USP54: variants seen among roughly 807,000 people sequenced by gnomAD.
USP54 encodes the protein ubiquitin specific peptidase 54, also known as ubiquitin carboxyl-terminal hydrolase 54.
USP54 carries 87 observed loss-of-function variants against 170.5 expected under a neutral mutation model. That is an observed-to-expected ratio of 0.51 (90% confidence interval 0.43 to 0.61). The LOEUF is 0.61. Ranked by LOEUF, USP54 falls within the 20% of genes least tolerant of loss-of-function variation. The probability of loss-of-function intolerance (pLI) is 0.00; values close to 1 mark genes in which losing one functional copy is unlikely to be tolerated. For missense variants in USP54, 1,786 were observed against 2,047.8 expected (o/e 0.87, Z 2.47); for synonymous variants, 655 against 742.8 (o/e 0.88, Z 1.92).
chr10:73,526,813 A>T (rs1399774729), intron 15 of USP54, 33 bp from the exon 16 acceptor site: 1 of 1,610,542 alleles, frequency 6.2e-7, no homozygotes, highest in East Asian at 2.2e-5. Context: ...TAGTGAAAGC[A>T]TGAAAGCAGG....
At chr10:73,567,421 A>G (rs912836250) in intron 4 of USP54, among the ~76,000 whole-genome samples, 2 of 152,136 alleles carry the variant, frequency 1.3e-5, no homozygotes, top group Non-Finnish European at 2.9e-5. Flanking sequence ...CTGTAATCCC[A>G]GCACTTTGGG....
chr10:73,532,570 C>CT (rs999055566), intron 12 of USP54, among the ~76,000 whole-genome samples: 51 of 152,314 alleles, frequency 3.3e-4, no homozygotes, highest in African/African-American at 1.2e-3. Context: ...TATCCTGTGG[C>CT]TTGGCTTCTC....
At chr10:73,596,490 C>T (rs534999645) in intron 1 of USP54, among the ~76,000 whole-genome samples, 2 of 151,270 alleles carry the variant, frequency 1.3e-5, no homozygotes, top group African/African-American at 4.8e-5. Context: ...ACCCGAGAGG[C>T]GGAGCTTGCA....
intron 5 of USP54, among the ~76,000 whole-genome samples, chr10:73,543,968 A>C (rs2067191958): frequency 1.3e-5 from 2 of 148,338 alleles, no homozygotes; most frequent in South Asian, 2.1e-4. Context: ...TTTGAGACAC[A>C]CTCTGTCTCT....
In USP54 at chr10:73,616,246, GAGA is replaced by G. The variant is rs1376342773; in HGVS notation, c.-18+9318_-18+9320del. On this transcript the variant is annotated intron_variant, in intron 1 of 22. Transcript: ENST00000339859. ...CTAGCTACTTGGGAGGCTGAGGCAG[GAGA>G]ACTGCTTGAGCCCAGGAGGCAGAGG... Among the ~76,000 whole-genome samples the G allele has an allele frequency of 2.8e-5, 4 of 143,678 alleles. No homozygotes were observed. In the East Asian group the frequency reaches 8.1e-4, roughly 29 times the overall value. 94.3% of individuals were successfully genotyped at this position (143,678 alleles called of 152,430 possible).
At chr10:73,502,307 CCTTT>C (rs1204069177) in intron 22 of USP54, among the ~76,000 whole-genome samples, 2 of 152,014 alleles carry the variant, frequency 1.3e-5, no homozygotes, top group Non-Finnish European at 2.9e-5. Flanking sequence ...GCTAATTATT[CCTTT>C]CTTCTTTTTT....
rs766804729 is a variant in USP54 at position 73,526,721 on chromosome 10, G to A, written c.2120C>T (p.Ser707Leu). Reference protein sequence around the residue: ...LVPSWRHIPKSHSSSILEVDS... With the variant: ...LVPSWRHIPKLHSSSILEVDS... ...TACCTCCAGGATGCTACTGCTGTGCGACTTTGGGATATGACGCCAGGAAGG... is the reference window on the plus strand; with the variant it reads ...TACCTCCAGGATGCTACTGCTGTGCAACTTTGGGATATGACGCCAGGAAGG... The change falls in exon 16 of 24, where the codon TCG becomes TTG. Residue 707 changes from serine (S) to leucine (L), a missense_variant. Around this residue, in one of 3 missense-constraint regions of USP54, gnomAD observed 1,418 missense variants for 1,569.0 expected, o/e 0.90. Coordinates refer to ENST00000687698, the MANE Select transcript of USP54 (RefSeq NM_001391956.1). 1.9e-6 allele frequency: 3 copies of A among 1,614,084 alleles called. No homozygotes were observed. The highest frequency in any genetic ancestry group is 2.2e-5 in the South Asian group (2 of 91,070).
At chr10:73,546,021 G>A (rs528559174) in intron 4 of USP54, among the ~76,000 whole-genome samples, 3 of 152,126 alleles carry the variant, frequency 2.0e-5, no homozygotes, top group South Asian at 2.1e-4. Flanking sequence ...ACACGTAAAC[G>A]TTATCAACAA....
chr10:73,608,327 CCT>C (rs569278506), intron 1 of USP54, among the ~76,000 whole-genome samples: 123 of 152,138 alleles, frequency 8.1e-4, no homozygotes, highest in African/African-American at 2.9e-3. Context: ...CCTACGTTTC[CCT>C]CTTATACCAA....
At chr10:73,500,506 T>C in intron 23 of USP54, 149 bp downstream of exon 23, 1 of 720,752 alleles carries the variant, frequency 1.4e-6, no homozygotes, top group Non-Finnish European at 2.2e-6. Flanking sequence ...TTTATCTAGA[T>C]AAATGCACGA....
At chr10:73,535,688 G>A (rs1213728297) in intron 11 of USP54, among the ~76,000 whole-genome samples, 2 of 152,118 alleles carry the variant, frequency 1.3e-5, no homozygotes, top group South Asian at 2.1e-4. Context: ...TTCATAAGCA[G>A]AGGAATATTA....
At chr10:73,622,339 T>C (rs756579082) in intron 1 of USP54, among the ~76,000 whole-genome samples, 2 of 148,438 alleles carry the variant, frequency 1.3e-5, no homozygotes, top group Non-Finnish European at 3.0e-5. Flanking sequence ...TATTTATTTA[T>C]TTTGAGACAG....
At chr10:73,570,464 T>C (rs930851391) in intron 4 of USP54, among the ~76,000 whole-genome samples, 1 of 150,338 alleles carries the variant, frequency 6.7e-6, no homozygotes, top group Non-Finnish European at 1.5e-5. Context: ...GGTAGAGAAC[T>C]GGTATAAAAG....
intron 11 of USP54, among the ~76,000 whole-genome samples, chr10:73,535,716 T>C (rs1329892621): frequency 1.3e-5 from 2 of 152,128 alleles, no homozygotes; most frequent in African/African-American, 4.8e-5. Context: ...ACAAGGAATT[T>C]TTCCCCCCTC....
intron 20 of USP54, among the ~76,000 whole-genome samples, chr10:73,507,467 G>A (rs1014185773): frequency 1.3e-5 from 2 of 152,008 alleles, no homozygotes; most frequent in African/African-American, 4.8e-5. Flanking sequence ...GAGGTCAGGA[G>A]TTCGAGACCA....
rs1589935394 is a variant in USP54, at chr10:73,516,248, A to G, written c.4051+127T>C. Reference sequence around the variant, plus strand: ...TCCTGAAGGCTTTCTGAGTAAAGTCAAAAGTTCTATTACCTCCTACTAAGC... The same window carrying G: ...TCCTGAAGGCTTTCTGAGTAAAGTCGAAAGTTCTATTACCTCCTACTAAGC... On this transcript the variant is annotated intron_variant, in intron 20 of 23. Coordinates refer to ENST00000687698, the MANE Select transcript of USP54 (RefSeq NM_001391956.1). The G allele has an allele frequency of 4.5e-6, 5 of 1,118,188 alleles. No individual in the cohort carries two copies. The Admixed American group carries it at 7.1e-5, about 16-fold the overall frequency. 69.3% of individuals were successfully genotyped at this position (1,118,188 alleles called of 1,614,324 possible). A position where few individuals can be genotyped will look rare whatever the true frequency, so the allele number is the denominator to read the frequency against.
At chr10:73,543,791 T>C (rs1006527569) in intron 5 of USP54, among the ~76,000 whole-genome samples, 1 of 152,316 alleles carries the variant, frequency 6.6e-6, no homozygotes, top group Non-Finnish European at 1.5e-5. Flanking sequence ...TATCAAGATA[T>C]AGACCAGTTC....
At chr10:73,607,744 T>C (rs2079788906) in intron 1 of USP54, among the ~76,000 whole-genome samples, 1 of 151,398 alleles carries the variant, frequency 6.6e-6, no homozygotes, top group South Asian at 2.1e-4. Flanking sequence ...GACACGAGAA[T>C]TGCTTGAACC....
At chr10:73,526,838 C>G in intron 15 of USP54, 58 bp from the exon 16 acceptor site, 1 of 1,568,366 alleles carries the variant, frequency 6.4e-7, no homozygotes, top group Non-Finnish European at 8.6e-7. Flanking sequence ...AGCAACATTC[C>G]TAGGACTAAA....
Sources: gnomAD v4.1 joint callset for allele counts (sites outside exome capture counted in the v4.1 genomes callset) on GRCh38, gnomAD v4.1.1 for gene constraint, gnomAD v4.1.1 regional missense constraint, MANE v1.5 for transcripts, NCBI Gene and HGNC (gene_info 2026-07-23, HGNC 2026-07-21) for gene names.